G6PD: variants seen among roughly 807,000 people sequenced by gnomAD.
G6PD encodes the protein glucose-6-phosphate 1-dehydrogenase.
A neutral mutation model predicts 38.2 loss-of-function variants in G6PD; 2 were observed. That is an observed-to-expected ratio of 0.05 (90% CI 0.02 to 0.16). G6PD has a LOEUF of 0.16. G6PD is among the 10% of genes least tolerant of loss of function. The pLI is 1.00. For synonymous variants in G6PD, 188 were observed against 196.0 expected (o/e 0.96, Z 0.34); for missense variants, 310 against 471.6 (o/e 0.66, Z 3.17).
intron 5 of G6PD, 105 bp from the exon 6 acceptor site, chrX:154,534,601 C>A: frequency 7.1e-6 from 7 of 988,383 alleles, no homozygotes; most frequent in Non-Finnish European, 9.7e-6. Context: ...GAGGCCAGAA[C>A]CTCCTCGCCC....
chrX:154,544,249 A>C (rs1048976510), intron 2 of G6PD, among the ~76,000 whole-genome samples: 2 of 106,456 alleles, frequency 1.9e-5, no homozygotes, highest in Non-Finnish European at 3.9e-5. Context: ...GCAACCTCTG[A>C]CTCCCTGATT....
intron 2 of G6PD, 112 bp downstream of exon 2, chrX:154,545,924 G>A: frequency 1.0e-6 from 1 of 977,038 alleles, no homozygotes; most frequent in South Asian, 1.9e-5. Context: ...GGAGCGGGAG[G>A]AGGAGCTCAA....
upstream of G6PD, chrX:154,547,358 C>G (rs987909156): frequency 1.1e-4 from 83 of 754,321 alleles, no homozygotes; most frequent in Non-Finnish European, 1.3e-4. Flanking sequence ...ATTCCTCCCC[C>G]GGAGAGGGCG....
chrX:154,546,072 C>A lies in G6PD; in HGVS notation c.84G>T (p.Gln28His), dbSNP rs969180243. The change falls in exon 2 of 13, where the codon CAG (glutamine) becomes CAT (histidine). Residue 28 changes from glutamine (Q) to histidine (H), a missense_variant. Transcript: ENST00000393562. ...EELFQGDAFH[Q>H]SDTHIFIIMG... The stretch of plus-strand genomic sequence containing the variant: ...TGATGATGAATATGTGTGTATCCGA[C>A]TGATGGAAGGCATCGCCCTGGAAAA... 24 of 1,209,883 alleles carry A rather than the reference C, an allele frequency of 2.0e-5. No homozygotes were observed. The East Asian group carries it at 6.8e-4, about 34-fold the overall frequency.
rs1017005312 is a variant in G6PD, at chrX:154,531,691, C to T, written c.*309G>A. ...CCACTCAGGAGTGAGACCCAGTGGC[C>T]AATAAGCTCTGGGACAGACGAATGG... On this transcript the variant is annotated 3_prime_UTR_variant, in exon 13 of 13. Transcript: ENST00000393562. 3.3e-5 allele frequency: 12 copies of T among 359,091 alleles called. No individual in the cohort carries two copies. Among genetic ancestry groups the T allele is most frequent in the Non-Finnish European group, 4.9e-5 (10 of 203,713 alleles). 29.6% of individuals were successfully genotyped at this position (359,091 alleles called of 1,213,427 possible). A position where few individuals can be genotyped will look rare whatever the true frequency, so the allele number is the denominator to read the frequency against.
intron 2 of G6PD, among the ~76,000 whole-genome samples, chrX:154,544,103 C>A (rs1306712586): frequency 9.2e-6 from 1 of 108,123 alleles, no homozygotes; most frequent in Non-Finnish European, 1.9e-5. Context: ...CCTCATGATC[C>A]ACCCGCTTCA....
rs868950643 is a variant in G6PD, at chrX:154,533,004, C to G, written c.989G>C (p.Arg330Pro). The G allele has an allele frequency of 8.3e-7, 1 of 1,212,080 alleles. No individual in the cohort carries two copies. The highest frequency in any genetic ancestry group is 1.1e-6 in the Non-Finnish European group (1 of 895,504). ...KGYLDDPTVP[R>P]GSTTATFAAV... Reference sequence around the variant, plus strand: ...TGCAAAAGTGGCGGTGGTGGACCCGCGGGGCACCGTGGGGTCGTCCAGGTA... The same window carrying G: ...TGCAAAAGTGGCGGTGGTGGACCCGGGGGGCACCGTGGGGTCGTCCAGGTA... The change falls in exon 9 of 13, where the codon CGC (arginine) becomes CCC (proline). Residue 330 changes from arginine (R) to proline (P), a missense_variant. Around this residue, in one of 4 missense-constraint regions of G6PD, gnomAD observed 168 missense variants for 309.2 expected, o/e 0.54. Transcript: ENST00000393562.
chrX:154,539,992 A>G (rs2070461767), intron 2 of G6PD, among the ~76,000 whole-genome samples: 1 of 109,993 alleles, frequency 9.1e-6, no homozygotes, highest in African/African-American at 3.3e-5. Context: ...AAGTGCTGGC[A>G]TTACAGGCGT....
Position 154,533,139 on chromosome X carries a change from G to A in G6PD, c.865-11C>T. 1.7e-6 allele frequency: 2 copies of A among 1,210,441 alleles called. No individual in the cohort carries two copies. The highest frequency in any genetic ancestry group is 3.5e-5 in the South Asian group (2 of 57,003). On this transcript the variant is annotated splice_polypyrimidine_tract_variant and intron_variant, in intron 8 of 12. Transcript: ENST00000393562. ...TTTCAACACCTTGACCTGAGAGAAA[G>A]CCAAGGGAGAGAATGGGCTCCTTGG...
At chrX:154,546,679 C>G in intron 1 of G6PD, 110 bp downstream of exon 1, 1 of 646,322 alleles carries the variant, frequency 1.5e-6, no homozygotes, top group Non-Finnish European at 2.3e-6. Context: ...AAGACCCTCT[C>G]GATTCTGCTC....
At chrX:154,542,313 C>T (rs1209638355) in intron 2 of G6PD, 61 of 1,179,570 alleles carry the variant, frequency 5.2e-5, no homozygotes, top group Non-Finnish European at 6.9e-5. Context: ...GAAGTGAGGA[C>T]CCCGCAGACT....
chrX:154,546,236 G>A, intron 1 of G6PD, 73 bp from the exon 2 acceptor site: 1 of 1,162,492 alleles, frequency 8.6e-7, no homozygotes, highest in Non-Finnish European at 1.2e-6. Flanking sequence ...TTTCTTGAGA[G>A]TTCCTCTGGG....
At chrX:154,533,353 A>G (rs782206909) in intron 8 of G6PD, 27 of 498,984 alleles carry the variant, frequency 5.4e-5, no homozygotes, top group Admixed American at 3.3e-4. Flanking sequence ...CAGAGAGGCA[A>G]TGGCCTTCCC....
Position 154,538,468 on chromosome X carries a change from C to T in G6PD, c.121-2290G>A, listed in dbSNP as rs148023865. ...CATATTAAGAGATTAAAAAAAACCT[C>T]TAAGAACTCTCTGCCTACTGCTATG... On this transcript the variant is annotated intron_variant, in intron 2 of 12. Coordinates refer to ENST00000393562, the MANE Select transcript of G6PD (RefSeq NM_001360016.2). Among the ~76,000 whole-genome samples, 358 of 112,223 alleles carry T rather than the reference C, an allele frequency of 3.2e-3. 4 individuals are homozygous for T. Among genetic ancestry groups the T allele is most frequent in the Admixed American group, 0.022 (229 of 10,599 alleles).
intron 4 of G6PD, 136 bp downstream of exon 4, chrX:154,535,801 A>G (rs2070400865): frequency 1.8e-6 from 1 of 545,968 alleles, no homozygotes; most frequent in Admixed American, 2.7e-5. Flanking sequence ...TCAAGGAAGT[A>G]CGAGAGCAGG....
At position 154,533,666 on chromosome X, in the gene G6PD, G is replaced by A. The variant is rs1252251475; in HGVS notation, c.774C>T (p.Asp258=). Residue 258 remains aspartate (D), a synonymous_variant, in exon 8 of 13, where the codon GAC becomes GAT. Coordinates refer to ENST00000393562, the MANE Select transcript of G6PD (RefSeq NM_001360016.2). The part of the protein sequence containing the change: ...GYFDEFGIIR[D]VMQNHLLQML... The stretch of plus-strand genomic sequence containing the variant: ...TCTGCAGTAGGTGGTTCTGCATCAC[G>A]TCCCTGGGGACGGAAGAGGCCAGAG... 14 of 1,210,628 alleles carry A rather than the reference G, an allele frequency of 1.2e-5. No individual in the cohort carries two copies. In the East Asian group the frequency reaches 1.2e-4, roughly 10 times the overall value.
chrX:154,542,236 G>T lies in G6PD; in HGVS notation c.120+3800C>A, dbSNP rs968332220. On this transcript the variant is annotated intron_variant, in intron 2 of 12. Transcript: ENST00000393562. ...CATCCCTCCCACAGGCCCATCATTG[G>T]GATGCGTCCTGAACGCCCATCAAGC... 5.1e-6 allele frequency: 5 copies of T among 988,440 alleles called. No homozygotes were observed. The African/African-American group carries it at 9.7e-5, about 19-fold the overall frequency. The allele number at this position is 988,440 out of a possible 1,213,427, so 81.5% of individuals were successfully genotyped here. A position where few individuals can be genotyped will look rare whatever the true frequency, so the allele number is the denominator to read the frequency against.
intron 5 of G6PD, chrX:154,534,962 C>T: frequency 2.1e-6 from 1 of 467,781 alleles, no homozygotes; most frequent in Admixed American, 3.3e-5. Context: ...AGGCTGCCAC[C>T]CTGCGGCCTG....
intron 2 of G6PD, among the ~76,000 whole-genome samples, chrX:154,539,015 T>C (rs1285113846): frequency 9.0e-6 from 1 of 111,004 alleles, no homozygotes; most frequent in Non-Finnish European, 1.9e-5. Context: ...TAGGAAATGC[T>C]GAAATATTAA....
Sources: allele counts gnomAD v4.1 joint callset (sites outside exome capture counted in the v4.1 genomes callset), GRCh38; gene constraint gnomAD v4.1.1; regional missense constraint gnomAD v4.1.1; transcripts MANE v1.5; gene names NCBI Gene and HGNC (gene_info 2026-07-23, HGNC 2026-07-21).